Variants in EDEM1 observed in about 807,000 individuals in gnomAD.
EDEM1 encodes ER degradation-enhancing alpha-mannosidase-like protein 1.
EDEM1 carries 67 observed loss-of-function variants against 74.4 expected under a neutral mutation model. That is an observed-to-expected ratio of 0.90 (90% confidence interval 0.74 to 1.10). EDEM1 has a LOEUF of 1.10. EDEM1 is among the 50% of genes least tolerant of loss of function. The probability of loss-of-function intolerance (pLI) is 0.00; values close to 1 mark genes in which losing one functional copy is unlikely to be tolerated. For missense variants in EDEM1, 926 were observed against 851.6 expected, an observed-to-expected ratio of 1.09 and a Z score of -1.09; for synonymous variants, 382 against 335.9, an observed-to-expected ratio of 1.14 and a Z score of -1.50.
intron 3 of EDEM1, among the ~76,000 whole-genome samples, chr3:5,200,972 C>CT (rs1030954054): frequency 6.6e-6 from 1 of 151,070 alleles, no homozygotes; most frequent in African/African-American, 2.4e-5. Context: ...TCACGGCTCA[C>CT]TGCAGCCTTG....
rs924316839 is a variant in EDEM1, at chr3:5,216,074, G to A, written c.*156G>A. On this transcript the variant is annotated 3_prime_UTR_variant, in exon 12 of 12. Transcript: ENST00000256497. ...ACCTCACCACGTCTGGTTAATCCTTGCACACTTCAGTGTTTCTCTCCTGTT... is the reference window on the plus strand; with the variant it reads ...ACCTCACCACGTCTGGTTAATCCTTACACACTTCAGTGTTTCTCTCCTGTT... The A allele has an allele frequency of 2.2e-4, 130 of 595,250 alleles. 1 individual carries two copies. In the Middle Eastern group the frequency reaches 5.0e-3, roughly 23 times the overall value. 36.9% of individuals were successfully genotyped at this position (595,250 alleles called of 1,614,324 possible). A position where few individuals can be genotyped will look rare whatever the true frequency, so the allele number is the denominator to read the frequency against.
At chr3:5,198,954 C>T (rs960786567) in intron 2 of EDEM1, among the ~76,000 whole-genome samples, 4 of 152,126 alleles carry the variant, frequency 2.6e-5, no homozygotes, top group Admixed American at 6.5e-5. Context: ...GACGTCGTAT[C>T]TACATACCCA....
In EDEM1 at chr3:5,207,339, T is replaced by C; in HGVS notation, c.1338+66T>C. 8 of 1,593,380 alleles carry C rather than the reference T, an allele frequency of 5.0e-6. No homozygotes were observed. The Middle Eastern group carries it at 8.4e-4, about 167-fold the overall frequency. ...GAAAGGGCTTCTCCCTCCTTTTCTT[T>C]CTTTTTTAATACCCTGAGCATTCTC... is the stretch of plus-strand genomic sequence containing the variant. On this transcript the variant is annotated intron_variant, in intron 7 of 11. Coordinates refer to ENST00000256497, the MANE Select transcript of EDEM1 (RefSeq NM_014674.3).
At chr3:5,215,798 T>C in intron 11 of EDEM1, 31 bp from the exon 12 acceptor site, 1 of 1,594,690 alleles carries the variant, frequency 6.3e-7, no homozygotes, top group Non-Finnish European at 8.6e-7. Context: ...ACATATGAGT[T>C]TTTAATTTTC....
At chr3:5,188,466 C>T in intron 1 of EDEM1, 152 bp downstream of exon 1, 1 of 840,784 alleles carries the variant, frequency 1.2e-6, no homozygotes, top group Non-Finnish European at 1.6e-6. Flanking sequence ...CGTGTGAGTC[C>T]CTGTGAAGAC....
In EDEM1 at chr3:5,213,267, G is replaced by C. The variant is rs966296176; in HGVS notation, c.1681-52G>C. ...AGCTGGGACACGCCCCCATGATTCA[G>C]TTCCCAGTGTGCTACAATTATTGGT... On this transcript the variant is annotated intron_variant, in intron 10 of 11. Coordinates refer to ENST00000256497, the MANE Select transcript of EDEM1 (RefSeq NM_014674.3). The C allele has an allele frequency of 6.5e-6, 10 of 1,547,350 alleles. No homozygotes were observed. In the East Asian group the frequency reaches 6.9e-5, roughly 11 times the overall value.
intron 1 of EDEM1, among the ~76,000 whole-genome samples, chr3:5,193,798 A>G (rs2054930696): frequency 6.6e-6 from 1 of 152,116 alleles, no homozygotes; most frequent in African/African-American, 2.4e-5. Context: ...GGGTCTTGCC[A>G]TGTTGGCCAG....
Position 5,216,195 on chromosome 3 carries a change from G to A in EDEM1, c.*277G>A. On this transcript the variant is annotated 3_prime_UTR_variant, in exon 12 of 12. Transcript: ENST00000256497. The stretch of plus-strand genomic sequence containing the variant: ...TTGATGTTATAAGCACAATAGATGG[G>A]GCATCTTTGGATTGATGTTCACAGC... 2.4e-6 allele frequency: 1 copy of A among 418,570 alleles called. No individual in the cohort carries two copies. Among genetic ancestry groups the A allele is most frequent in the South Asian group, 4.6e-5 (1 of 21,706 alleles). 25.9% of individuals were successfully genotyped at this position (418,570 alleles called of 1,614,324 possible).
rs2055259101 is a variant in EDEM1, at chr3:5,217,794, A to G, written c.*1876A>G. 1 of 152,180 alleles carries G rather than the reference A, an allele frequency of 6.6e-6. No individual in the cohort carries two copies. Among genetic ancestry groups the G allele is most frequent in the Non-Finnish European group, 1.5e-5 (1 of 68,030 alleles). 9.4% of individuals were successfully genotyped at this position (152,180 alleles called of 1,614,324 possible). A position where few individuals can be genotyped will look rare whatever the true frequency, so the allele number is the denominator to read the frequency against. On this transcript the variant is annotated 3_prime_UTR_variant, in exon 12 of 12. Coordinates refer to ENST00000256497, the MANE Select transcript of EDEM1 (RefSeq NM_014674.3). Reference sequence around the variant, plus strand: ...TTTCACTGACTCATTGAAAATGTTAATTACACACACATGCATGCATGCACA... The same window carrying G: ...TTTCACTGACTCATTGAAAATGTTAGTTACACACACATGCATGCATGCACA...
At chr3:5,189,619 G>C (rs1262805869) in intron 1 of EDEM1, 1 of 152,068 alleles carries the variant, frequency 6.6e-6, no homozygotes, top group Non-Finnish European at 1.5e-5. Flanking sequence ...TTTGTTTTTT[G>C]AGACGGAGTC....
At chr3:5,191,146 A>G (rs1009945960) in intron 1 of EDEM1, among the ~76,000 whole-genome samples, 1 of 152,208 alleles carries the variant, frequency 6.6e-6, no homozygotes, top group Non-Finnish European at 1.5e-5. Flanking sequence ...AAACCAGAGT[A>G]TTGTCATGCT....
chr3:5,219,368 A>C lies in EDEM1; in HGVS notation c.*3450A>C, dbSNP rs1243077271. ...GGCTGAGCAGGAACTTTAGAAGAAAATCCTGAGCTTTCCTGTCCATTCCCA... is the reference window on the plus strand; with the variant it reads ...GGCTGAGCAGGAACTTTAGAAGAAACTCCTGAGCTTTCCTGTCCATTCCCA... On this transcript the variant is annotated 3_prime_UTR_variant, in exon 12 of 12. Transcript: ENST00000256497. 2.0e-5 allele frequency: 3 copies of C among 152,108 alleles called. No individual in the cohort carries two copies. In the East Asian group the frequency reaches 5.8e-4, roughly 29 times the overall value. The allele number at this position is 152,108 out of a possible 1,614,324, so 9.4% of individuals were successfully genotyped here.
intron 2 of EDEM1, 91 bp from the exon 3 acceptor site, chr3:5,199,501 G>T: frequency 1.1e-6 from 1 of 873,616 alleles, no homozygotes; most frequent in South Asian, 1.6e-5. Context: ...ACCACATACA[G>T]ACATTTAGGT....
In EDEM1 at chr3:5,210,228, G is replaced by T. The variant is rs1315252416; in HGVS notation, c.1563G>T (p.Leu521=). Residue 521 remains leucine (L), a synonymous_variant, in exon 9 of 12, where the codon CTG becomes CTT. Coordinates refer to ENST00000256497, the MANE Select transcript of EDEM1 (RefSeq NM_014674.3). The stretch of plus-strand genomic sequence containing the variant: ...TAGGAATGGATATTCTGCAGAGTCT[G>T]GAAAAGTACACAAAAGTCAAGTCAG... ...LHVGMDILQS[L]EKYTKVKCGY... is the part of the protein sequence containing the mutation. 6.2e-7 allele frequency: 1 copy of T among 1,614,182 alleles called. No individual in the cohort carries two copies.
At chr3:5,205,875 C>T (rs113536453) in intron 6 of EDEM1, among the ~76,000 whole-genome samples, 8 of 151,516 alleles carry the variant, frequency 5.3e-5, no homozygotes, top group African/African-American at 1.9e-4. Flanking sequence ...GCTGTGCAAG[C>T]GTGTGGCTCG....
At chr3:5,200,599 C>G (rs1440439844) in intron 3 of EDEM1, among the ~76,000 whole-genome samples, 4 of 152,148 alleles carry the variant, frequency 2.6e-5, no homozygotes, top group African/African-American at 9.7e-5. Flanking sequence ...GCATAACATT[C>G]CAGTTCACAG....
chr3:5,197,362 A>G (rs1047286230), intron 2 of EDEM1, among the ~76,000 whole-genome samples: 1 of 152,228 alleles, frequency 6.6e-6, no homozygotes, highest in Non-Finnish European at 1.5e-5. Flanking sequence ...GAGAAGTCCT[A>G]CAGTCAAACA....
intron 4 of EDEM1, 102 bp downstream of exon 4, chr3:5,202,026 G>T (rs1322889641): frequency 7.2e-7 from 1 of 1,389,284 alleles, no homozygotes; most frequent in Non-Finnish European, 9.7e-7. Flanking sequence ...TGGGATGGAG[G>T]TAGATGAGAA....
At chr3:5,196,672 A>T (rs2054971688) in intron 2 of EDEM1, among the ~76,000 whole-genome samples, 2 of 152,138 alleles carry the variant, frequency 1.3e-5, no homozygotes, top group African/African-American at 4.8e-5. Context: ...GTATAATTTA[A>T]ATTACAAAGC....
Sources: allele counts gnomAD v4.1 joint callset (sites outside exome capture counted in the v4.1 genomes callset), GRCh38; gene constraint gnomAD v4.1.1; transcripts MANE v1.5; gene names NCBI Gene and HGNC (gene_info 2026-07-23, HGNC 2026-07-21).